Variants in TAFA2 observed in about 807,000 individuals in gnomAD.
The protein encoded by TAFA2 is TAFA chemokine like family member 2, also known as chemokine-like protein TAFA-2.
Under a neutral mutation model 18.8 loss-of-function variants are expected in TAFA2, and 7 were observed. That is an observed-to-expected ratio of 0.37 (90% CI 0.21 to 0.70). The LOEUF (loss-of-function observed/expected upper bound fraction) is 0.70, where lower values mean the gene tolerates loss of function less well. Ranked by LOEUF, TAFA2 falls within the 30% of genes least tolerant of loss-of-function variation. The pLI, the probability that TAFA2 is intolerant of heterozygous loss-of-function variation, is 0.53. For synonymous variants in TAFA2, 60 were observed against 54.2 expected (o/e 1.11, Z -0.47); for missense variants, 122 against 158.1 (o/e 0.77, Z 1.23).
intron 1 of TAFA2, among the ~76,000 whole-genome samples, chr12:62,053,433 A>G (rs1882107117): frequency 6.6e-6 from 1 of 152,226 alleles, no homozygotes. Flanking sequence ...AAAAACTAAC[A>G]TAGAGAGTAT....
intron 2 of TAFA2, chr12:61,776,111 C>A: frequency 2.3e-6 from 1 of 433,776 alleles, no homozygotes; most frequent in Non-Finnish European, 4.5e-6. Flanking sequence ...CTGGAAGAGT[C>A]TACAATGTTA....
chr12:62,049,020 A>G (rs1359480543), intron 1 of TAFA2, among the ~76,000 whole-genome samples: 1 of 152,202 alleles, frequency 6.6e-6, no homozygotes, highest in African/African-American at 2.4e-5. Flanking sequence ...TAAGATGGAG[A>G]AAATTATATT....
chr12:61,931,526 C>A (rs140599684), intron 1 of TAFA2, among the ~76,000 whole-genome samples: 1 of 152,178 alleles, frequency 6.6e-6, no homozygotes, highest in Non-Finnish European at 1.5e-5. Flanking sequence ...ACACACCTAT[C>A]GTGGAATTTT....
intron 1 of TAFA2, among the ~76,000 whole-genome samples, chr12:62,082,019 C>T (rs1305485735): frequency 6.6e-6 from 1 of 152,002 alleles, no homozygotes; most frequent in Non-Finnish European, 1.5e-5. Context: ...GTTCAGCTCC[C>T]ACTTATAAGT....
In TAFA2 at chr12:61,853,492, GC is replaced by G. The variant is rs1873763424; in HGVS notation, c.106+13827del. 3.9e-5 allele frequency among the ~76,000 whole-genome samples: 6 copies of G among 152,076 alleles called. No individual in the cohort carries two copies. The South Asian group carries it at 1.2e-3, about 31-fold the overall frequency. On this transcript the variant is annotated intron_variant, in intron 2 of 4. Coordinates refer to ENST00000416284, the MANE Select transcript of TAFA2 (RefSeq NM_178539.5). ...AAATGGATTTAAGTAGGAGGAAATG[GC>G]AACAAAACCTTGGAACTAACTTACT...
intron 2 of TAFA2, among the ~76,000 whole-genome samples, chr12:61,810,986 AT>A (rs372277105): frequency 1.4e-4 from 21 of 149,466 alleles, no homozygotes; most frequent in Middle Eastern, 3.4e-3. Context: ...AGAATTGATG[AT>A]TTTTTTTTTC....
rs1320969309 is a variant in TAFA2 at position 62,197,884 on chromosome 12, G to T, written c.-130+60879C>A. On this transcript the variant is annotated intron_variant, in intron 1 of 5. Transcript: ENST00000551619. ...ACATTTGGGTTACTTCTAGTTTGGG[G>T]ATATTAAAAATAAAGCTGCTATGAA... Among the ~76,000 whole-genome samples the T allele has an allele frequency of 3.3e-5, 5 of 152,082 alleles. No individual in the cohort carries two copies. In the South Asian group the frequency reaches 1.0e-3, roughly 31 times the overall value.
intron 4 of TAFA2, among the ~76,000 whole-genome samples, chr12:61,742,492 CT>C (rs1868502383): frequency 6.6e-6 from 1 of 152,076 alleles, no homozygotes; most frequent in African/African-American, 2.4e-5. Flanking sequence ...AGACTCTGGT[CT>C]TTCTTGGTTT....
chr12:61,795,124 T>G (rs1183226865), intron 2 of TAFA2, among the ~76,000 whole-genome samples: 2 of 152,146 alleles, frequency 1.3e-5, no homozygotes, highest in Non-Finnish European at 2.9e-5. Flanking sequence ...ACTTTTACAC[T>G]GTTGGTGGGA....
At chr12:61,743,445 T>G (rs942816620) in intron 4 of TAFA2, among the ~76,000 whole-genome samples, 2 of 152,098 alleles carry the variant, frequency 1.3e-5, no homozygotes, top group African/African-American at 4.8e-5. Context: ...ATCAAATAAT[T>G]TAACGCATAT....
chr12:61,745,112 A>G (rs1592360562), intron 4 of TAFA2, among the ~76,000 whole-genome samples: 1 of 152,040 alleles, frequency 6.6e-6, no homozygotes, highest in East Asian at 1.9e-4. Context: ...AAAAAAGTCT[A>G]CCTACTCTTC....
Position 62,101,161 on chromosome 12 carries a change from T to C in TAFA2, c.-2+90098A>G, listed in dbSNP as rs559127610. 1.1e-4 allele frequency among the ~76,000 whole-genome samples: 17 copies of C among 152,256 alleles called. No homozygotes were observed. In the South Asian group the frequency reaches 3.3e-3, roughly 30 times the overall value. ...AAACCAGGACCCAGAAGAGTCCTGA[T>C]GATCCTAAGAGACCCCTCAAATATA... On this transcript the variant is annotated intron_variant, in intron 1 of 4. Coordinates refer to ENST00000416284, the MANE Select transcript of TAFA2 (RefSeq NM_178539.5).
At chr12:62,094,888 A>T (rs1237789553) in intron 1 of TAFA2, among the ~76,000 whole-genome samples, 1 of 152,140 alleles carries the variant, frequency 6.6e-6, no homozygotes, top group African/African-American at 2.4e-5. Context: ...TTATCAAGAC[A>T]TATTAGAAAA....
intron 1 of TAFA2, among the ~76,000 whole-genome samples, chr12:62,218,979 A>G (rs1031368987): frequency 1.3e-5 from 2 of 152,186 alleles, no homozygotes; most frequent in Non-Finnish European, 2.9e-5. Flanking sequence ...ATGACAATAT[A>G]AGAAAACTGT....
intron 1 of TAFA2, among the ~76,000 whole-genome samples, chr12:62,129,030 T>C (rs1181960224): frequency 6.6e-6 from 1 of 152,076 alleles, no homozygotes; most frequent in Admixed American, 6.6e-5. Flanking sequence ...TGCTCTAGCC[T>C]GAATGTGAAG....
At chr12:61,928,158 A>T (rs1877388747) in intron 1 of TAFA2, among the ~76,000 whole-genome samples, 2 of 152,362 alleles carry the variant, frequency 1.3e-5, no homozygotes, top group South Asian at 4.1e-4. Flanking sequence ...AAATTGACGA[A>T]TGGGATCTAA....
At chr12:62,095,137 C>T (rs546199500) in intron 1 of TAFA2, among the ~76,000 whole-genome samples, 4 of 152,018 alleles carry the variant, frequency 2.6e-5, no homozygotes, top group Admixed American at 1.3e-4. Flanking sequence ...TATTATTATA[C>T]GGTCTTAGAA....
rs2062411035 is a variant in TAFA2, at chr12:62,162,136, A to G, written c.-2+29123T>C. Among the ~76,000 whole-genome samples, 3 of 152,322 alleles carry G rather than the reference A, an allele frequency of 2.0e-5. 1 individual carries two copies. The highest frequency in any genetic ancestry group is 4.4e-5 in the Non-Finnish European group (3 of 68,022). On this transcript the variant is annotated intron_variant, in intron 1 of 4. Transcript: ENST00000416284. ...TCAGGAATGTCTTTCTCAAGGACCC[A>G]GGAGCCATCTCTTGGAAATCTAAAC...
intron 2 of TAFA2, among the ~76,000 whole-genome samples, chr12:61,860,111 G>A (rs1281347545): frequency 6.6e-6 from 1 of 152,114 alleles, no homozygotes; most frequent in Non-Finnish European, 1.5e-5. Flanking sequence ...TTAATGAACA[G>A]CATGCTCTCA....
Sources: gnomAD v4.1 joint callset for allele counts (sites outside exome capture counted in the v4.1 genomes callset) on GRCh38, gnomAD v4.1.1 for gene constraint, MANE v1.5 for transcripts, NCBI Gene and HGNC (gene_info 2026-07-23, HGNC 2026-07-21) for gene names.